FUT8: variants seen among roughly 807,000 people sequenced by gnomAD.
FUT8 encodes alpha-(1,6)-fucosyltransferase.
Under a neutral mutation model 71.3 loss-of-function variants are expected in FUT8, and 29 were observed. The ratio of observed to expected loss-of-function variants is 0.41; its 90% CI spans 0.30 to 0.55. FUT8 has a LOEUF of 0.55. Ranked by LOEUF, FUT8 falls within the 20% of genes least tolerant of loss-of-function variation. The pLI is 0.34. For missense variants in FUT8, 544 were observed against 702.1 expected, an observed-to-expected ratio of 0.77 and a Z score of 2.55; for synonymous variants, 254 against 239.3, an observed-to-expected ratio of 1.06 and a Z score of -0.57.
chr14:65,533,882 A>T (rs774130726), intron 2 of FUT8, among the ~76,000 whole-genome samples: 1 of 152,104 alleles, frequency 6.6e-6, no homozygotes, highest in African/African-American at 2.4e-5. Context: ...TATTGAGATG[A>T]TCATGTGGTT....
intron 2 of FUT8, among the ~76,000 whole-genome samples, chr14:65,553,835 T>G (rs951426921): frequency 6.6e-6 from 1 of 151,992 alleles, no homozygotes. Flanking sequence ...CCTAGTTACC[T>G]GAAAGATTTT....
At chr14:65,739,477 C>G (rs146431448) in intron 10 of FUT8, among the ~76,000 whole-genome samples, 1 of 152,146 alleles carries the variant, frequency 6.6e-6, no homozygotes, top group African/African-American at 2.4e-5. Context: ...CCAGAAGAAA[C>G]AGGTCTCTAA....
chr14:65,708,624 T>G (rs192704216), intron 7 of FUT8, among the ~76,000 whole-genome samples: 60 of 152,338 alleles, frequency 3.9e-4, no homozygotes, highest in African/African-American at 1.4e-3. Context: ...TTCCTTAATT[T>G]CCTTTTGGAA....
chr14:65,435,962 C>T (rs548306121), intron 1 of FUT8, among the ~76,000 whole-genome samples: 117 of 146,008 alleles, frequency 8.0e-4, no homozygotes, highest in African/African-American at 2.8e-3. Context: ...AGAGTCTTGC[C>T]GTGTTACCCA....
chr14:65,399,183 G>T, the FUT8 span, among the ~76,000 whole-genome samples: 4 of 152,148 alleles, frequency 2.6e-5, no homozygotes, highest in African/African-American at 9.7e-5. Context: ...CAGGCATGAT[G>T]ACACATGCCT....
intron 6 of FUT8, among the ~76,000 whole-genome samples, chr14:65,647,956 G>T (rs183555724): frequency 6.6e-6 from 1 of 151,994 alleles, no homozygotes; most frequent in African/African-American, 2.4e-5. Context: ...TTTTGCTTAG[G>T]GAGCATATAT....
chr14:65,473,453 A>G (rs2066180431), intron 2 of FUT8, among the ~76,000 whole-genome samples: 1 of 152,160 alleles, frequency 6.6e-6, no homozygotes, highest in Non-Finnish European at 1.5e-5. Flanking sequence ...TTTCTTACTT[A>G]TATAATTAGA....
At chr14:65,634,559 A>AT (rs1413216221) in intron 6 of FUT8, among the ~76,000 whole-genome samples, 1 of 88,376 alleles carries the variant, frequency 1.1e-5, no homozygotes, top group Admixed American at 1.1e-4. Context: ...AGAATGATCA[A>AT]TTAAAAAAAA....
intron 6 of FUT8, among the ~76,000 whole-genome samples, chr14:65,639,854 A>G (rs1890746378): frequency 6.6e-6 from 1 of 152,110 alleles, no homozygotes; most frequent in African/African-American, 2.4e-5. Flanking sequence ...TTATTTCAGT[A>G]TGAATTTCTA....
At position 65,722,009 on chromosome 14, in the gene FUT8, A is replaced by T. The variant is rs761750676; in HGVS notation, c.1070A>T (p.His357Leu). 1.2e-6 allele frequency: 2 copies of T among 1,613,958 alleles called. No homozygotes were observed. The highest frequency in any genetic ancestry group is 1.7e-6 in the Non-Finnish European group (2 of 1,180,016). Residue 357 changes from histidine (H) to leucine (L), a missense_variant, in exon 8 of 11, where the codon CAT becomes CTT. His to Leu is a moderately conservative substitution (Grantham distance 99, BLOSUM62 -3). Coordinates refer to ENST00000673929, the MANE Select transcript of FUT8 (RefSeq NM_001371533.1). The stretch of plus-strand genomic sequence containing the variant: ...GCCACCAAGAAGCTTGGCTTCAAAC[A>T]TCCAGTTATTGGGTAAGAATCTGAT... ...EEATKKLGFK[H>L]PVIGVHVRRT...
chr14:65,677,114 T>TTTTGTG (rs561803042), intron 7 of FUT8, among the ~76,000 whole-genome samples: 2 of 110,216 alleles, frequency 1.8e-5, no homozygotes, highest in Admixed American at 9.7e-5. Flanking sequence ...AAAGACATAT[T>TTTTGTG]TGTGTGTGTG....
In FUT8 at chr14:65,669,180, A is replaced by G; in HGVS notation, c.598-63A>G. 2 of 1,243,642 alleles carry G rather than the reference A, an allele frequency of 1.6e-6. No individual in the cohort carries two copies. Among genetic ancestry groups the G allele is most frequent in the Non-Finnish European group, 1.1e-6 (1 of 880,756 alleles). The allele number at this position is 1,243,642 out of a possible 1,614,324, so 77.0% of individuals were successfully genotyped here. ...CCTGAAGATGAAAGATTAAAAAAAAAAAAGAGCAGTTGACCTCTCTGTACA... is the reference window on the plus strand; with the variant it reads ...CCTGAAGATGAAAGATTAAAAAAAAGAAAGAGCAGTTGACCTCTCTGTACA... On this transcript the variant is annotated intron_variant, in intron 6 of 10. Coordinates refer to ENST00000673929, the MANE Select transcript of FUT8 (RefSeq NM_001371533.1). This position sits in a 1 kb window ranked among gnomAD's most constrained non-coding sequence, Gnocchi z 4.5.
At chr14:65,670,662 C>T (rs767293237) in intron 7 of FUT8, among the ~76,000 whole-genome samples, 3 of 151,970 alleles carry the variant, frequency 2.0e-5, no homozygotes, top group African/African-American at 4.8e-5. Flanking sequence ...ACACTAGATA[C>T]GAAATAGGGA....
chr14:65,593,897 A>G (rs1887824316), intron 3 of FUT8, among the ~76,000 whole-genome samples: 1 of 151,738 alleles, frequency 6.6e-6, no homozygotes. Context: ...TTTAGTAGAG[A>G]TGGGATTTTG....
chr14:65,572,639 T>C (rs1170922358), intron 3 of FUT8, among the ~76,000 whole-genome samples: 1 of 152,174 alleles, frequency 6.6e-6, no homozygotes, highest in African/African-American at 2.4e-5. Flanking sequence ...ATGTACATTC[T>C]CTTTCTACCA....
the FUT8 span, among the ~76,000 whole-genome samples, chr14:65,388,185 G>C: frequency 6.6e-6 from 1 of 152,322 alleles, no homozygotes; most frequent in Non-Finnish European, 1.5e-5. Context: ...GCAAATTTAG[G>C]AGGGAAGATT....
rs552048116 is a variant in FUT8 at position 65,449,214 on chromosome 14, T to C, written c.-325-6407T>C. Among the ~76,000 whole-genome samples the C allele has an allele frequency of 8.5e-4, 129 of 152,342 alleles. 1 individual carries two copies. Among genetic ancestry groups the C allele is most frequent in the African/African-American group, 3.1e-3 (127 of 41,572 alleles). On this transcript the variant is annotated intron_variant, in intron 1 of 10. Transcript: ENST00000673929. ...GAAGGGGAGTAGTGAATAAATTAGT[T>C]ATAACTTATTTTACTGTAAAGTAAT...
chr14:65,628,792 T>C (rs1334137618), intron 5 of FUT8, among the ~76,000 whole-genome samples: 2 of 152,250 alleles, frequency 1.3e-5, no homozygotes, highest in African/African-American at 4.8e-5. Flanking sequence ...ATAATCATTT[T>C]ATTAGTTTAG....
chr14:65,407,433 T>C (rs1303971242), upstream of FUT8, among the ~76,000 whole-genome samples: 3 of 152,174 alleles, frequency 2.0e-5, no homozygotes, highest in Non-Finnish European at 4.4e-5. Flanking sequence ...GGCAAGAGTA[T>C]GATCTATTAC....
Sources: gnomAD v4.1 joint callset for allele counts (sites outside exome capture counted in the v4.1 genomes callset) on GRCh38, gnomAD v4.1.1 for gene constraint, Gnocchi (gnomAD v3.1) non-coding constraint, MANE v1.5 for transcripts, NCBI Gene and HGNC (gene_info 2026-07-23, HGNC 2026-07-21) for gene names.